TMPRSS11D: variants seen among roughly 807,000 people sequenced by gnomAD.
TMPRSS11D encodes transmembrane protease serine 11D.
TMPRSS11D carries 32 observed loss-of-function variants against 44.4 expected under a neutral mutation model. The ratio of observed to expected loss-of-function variants is 0.72; its 90% confidence interval spans 0.54 to 0.97. TMPRSS11D has a LOEUF of 0.97. TMPRSS11D is among the 50% of genes least tolerant of loss of function. TMPRSS11D has a pLI of 0.00. For missense variants in TMPRSS11D, 446 were observed against 502.6 expected (o/e 0.89, Z 1.08); for synonymous variants, 179 against 177.9 (o/e 1.01, Z -0.05).
In TMPRSS11D at chr4:67,862,583, C is replaced by T. The variant is rs573402375; in HGVS notation, c.9-2905G>A. 3.7e-3 allele frequency among the ~76,000 whole-genome samples: 565 copies of T among 152,182 alleles called. 1 individual carries two copies. The highest frequency in any genetic ancestry group is 5.6e-3 in the Non-Finnish European group (383 of 67,996). ...TCATCATTTCCAATTACTAATTGAA[C>T]GTGTTATGGGTGCTTTACAACCACC... On this transcript the variant is annotated intron_variant, in intron 1 of 9. Transcript: ENST00000283916.
At chr4:67,826,982 T>A (rs1717808810) in intron 8 of TMPRSS11D, among the ~76,000 whole-genome samples, 1 of 152,118 alleles carries the variant, frequency 6.6e-6, no homozygotes, top group East Asian at 1.9e-4. Context: ...GCTATTTGAA[T>A]CTTATAGAAT....
chr4:67,844,074 G>GAGATGC lies in TMPRSS11D; in HGVS notation c.250-1455_250-1450dup, dbSNP rs371891111. Among the ~76,000 whole-genome samples, 373 of 152,332 alleles carry GAGATGC rather than the reference G, an allele frequency of 2.4e-3. 2 individuals carry two copies. The highest frequency in any genetic ancestry group is 8.3e-3 in the African/African-American group (346 of 41,590). ...GTGCTGTGGCTGATACAGTTCTCCT[G>GAGATGC]AGATGCAGGGTCAGATGTATTGTGG... On this transcript the variant is annotated intron_variant, in intron 3 of 9. Coordinates refer to ENST00000283916, the MANE Select transcript of TMPRSS11D (RefSeq NM_004262.3).
At chr4:67,835,006 A>G in intron 6 of TMPRSS11D, 77 bp downstream of exon 6, 2 of 1,382,422 alleles carry the variant, frequency 1.4e-6, no homozygotes, top group Middle Eastern at 3.7e-4. Flanking sequence ...TGCCTTGGCC[A>G]AAAGTACACA....
At chr4:67,850,830 C>T (rs983156058) in intron 3 of TMPRSS11D, among the ~76,000 whole-genome samples, 4 of 152,166 alleles carry the variant, frequency 2.6e-5, no homozygotes, top group African/African-American at 9.7e-5. Flanking sequence ...ACATTTTTAG[C>T]ATTCAGCCTT....
intron 5 of TMPRSS11D, 45 bp from the exon 6 acceptor site, chr4:67,835,166 T>C: frequency 6.5e-7 from 1 of 1,527,898 alleles, no homozygotes; most frequent in Non-Finnish European, 9.1e-7. Context: ...TAAAGGCTGA[T>C]ATCATTTCAC....
chr4:67,827,319 C>T lies in TMPRSS11D; in HGVS notation c.894G>A (p.Gln298=). The T allele has an allele frequency of 6.2e-7, 1 of 1,613,258 alleles. No homozygotes were observed. The highest frequency in any genetic ancestry group is 1.1e-5 in the South Asian group (1 of 91,030). ...AAGCAGTAGAGCCAGGTGGAATATTCTGGGTAGCAGCTGGGAGACACACAC... is the reference window on the plus strand; with the variant it reads ...AAGCAGTAGAGCCAGGTGGAATATTTTGGGTAGCAGCTGGGAGACACACAC... ...IHSVCLPAAT[Q]NIPPGSTAYV... is the part of the protein sequence containing the mutation. Residue 298 remains glutamine (Q), a synonymous_variant, in exon 8 of 10, where the codon CAG becomes CAA. Transcript: ENST00000283916.
intron 1 of TMPRSS11D, among the ~76,000 whole-genome samples, chr4:67,874,871 A>T (rs1359144739): frequency 6.6e-6 from 1 of 152,204 alleles, no homozygotes; most frequent in Admixed American, 6.5e-5. Flanking sequence ...ATCATGGTTC[A>T]TTCTATTTAA....
intron 2 of TMPRSS11D, among the ~76,000 whole-genome samples, chr4:67,857,435 A>G (rs1309704764): frequency 6.6e-6 from 1 of 151,742 alleles, no homozygotes. Context: ...ATTGTGTTAA[A>G]TGAAATAAGC....
intron 3 of TMPRSS11D, among the ~76,000 whole-genome samples, chr4:67,853,515 T>C (rs1718558193): frequency 6.6e-6 from 1 of 152,190 alleles, no homozygotes; most frequent in Non-Finnish European, 1.5e-5. Flanking sequence ...GCCCCTAGTT[T>C]GTGGTGACAC....
chr4:67,846,735 A>C (rs1718367298), intron 3 of TMPRSS11D, among the ~76,000 whole-genome samples: 1 of 152,174 alleles, frequency 6.6e-6, no homozygotes, highest in Admixed American at 6.5e-5. Context: ...CATTATAGTT[A>C]ATCTTTTCTC....
intron 1 of TMPRSS11D, among the ~76,000 whole-genome samples, chr4:67,868,768 T>C (rs1718985651): frequency 1.3e-5 from 2 of 152,174 alleles, no homozygotes; most frequent in Non-Finnish European, 2.9e-5. Flanking sequence ...GCAGCAGTGT[T>C]TTAGAAAGGT....
intron 8 of TMPRSS11D, among the ~76,000 whole-genome samples, chr4:67,826,656 AATC>A (rs1717799160): frequency 6.6e-6 from 1 of 151,944 alleles, no homozygotes; most frequent in Admixed American, 6.6e-5. Context: ...TACAATGTCT[AATC>A]TAAATCCTCC....
intron 3 of TMPRSS11D, among the ~76,000 whole-genome samples, chr4:67,847,433 T>G (rs1402346140): frequency 6.6e-6 from 1 of 152,206 alleles, no homozygotes; most frequent in Non-Finnish European, 1.5e-5. Context: ...AAAATTTGTT[T>G]TTGTTTTGCA....
chr4:67,849,945 T>C (rs939912482), intron 3 of TMPRSS11D, among the ~76,000 whole-genome samples: 1 of 152,220 alleles, frequency 6.6e-6, no homozygotes, highest in Non-Finnish European at 1.5e-5. Flanking sequence ...ATTTATAATT[T>C]TTATGGCATT....
chr4:67,859,344 G>A (rs1383304312), intron 2 of TMPRSS11D, among the ~76,000 whole-genome samples: 1 of 151,550 alleles, frequency 6.6e-6, no homozygotes, highest in Non-Finnish European at 1.5e-5. Flanking sequence ...GTATGTTTGG[G>A]GCACTAAAAA....
Position 67,880,614 on chromosome 4 carries a change from G to A in TMPRSS11D, c.8+3312C>T, listed in dbSNP as rs146019912. ...TAGTTTAGGAAAAATATACTCGGTG[G>A]CTTTTATTTATTTATAATTTTTAAT... is the stretch of plus-strand genomic sequence containing the variant. On this transcript the variant is annotated intron_variant, in intron 1 of 9. Coordinates refer to ENST00000283916, the MANE Select transcript of TMPRSS11D (RefSeq NM_004262.3). 2.0e-3 allele frequency among the ~76,000 whole-genome samples: 307 copies of A among 152,148 alleles called. 2 individuals carry two copies. Among genetic ancestry groups the A allele is most frequent in the African/African-American group, 6.9e-3 (286 of 41,536 alleles).
intron 1 of TMPRSS11D, among the ~76,000 whole-genome samples, chr4:67,876,340 A>G (rs1023877917): frequency 3.3e-5 from 5 of 152,156 alleles, no homozygotes; most frequent in African/African-American, 1.2e-4. Flanking sequence ...TTGTATGTTC[A>G]ATAAATTGTA....
At chr4:67,838,363 A>G in intron 4 of TMPRSS11D, 34 bp from the exon 5 acceptor site, 2 of 1,492,826 alleles carry the variant, frequency 1.3e-6, no homozygotes, top group South Asian at 2.8e-5. Flanking sequence ...AAAAACAAAT[A>G]ATATGACAAT....
chr4:67,838,405 A>ATTAAACCCTT (rs1308247719), intron 4 of TMPRSS11D, 76 bp from the exon 5 acceptor site: 1 of 1,332,972 alleles, frequency 7.5e-7, no homozygotes, highest in Admixed American at 3.1e-5. Flanking sequence ...ATTCTTCTTG[A>ATTAAACCCTT]TTAAACCCTT....
Sources: gnomAD v4.1 joint callset for allele counts (sites outside exome capture counted in the v4.1 genomes callset) on GRCh38, gnomAD v4.1.1 for gene constraint, MANE v1.5 for transcripts, NCBI Gene and HGNC (gene_info 2026-07-23, HGNC 2026-07-21) for gene names.